LINGO2: variants seen among roughly 807,000 people sequenced by gnomAD.
LINGO2 encodes leucine-rich repeat and immunoglobulin-like domain-containing nogo receptor-interacting protein 2.
A neutral mutation model predicts 30.6 loss-of-function variants in LINGO2; 14 were observed. That is an observed-to-expected ratio of 0.46 (90% CI 0.30 to 0.72). The LOEUF (loss-of-function observed/expected upper bound fraction) is 0.72, where lower values mean the gene tolerates loss of function less well. Among genes scored for constraint, LINGO2 ranks in the 30% least tolerant of loss-of-function variants. LINGO2 has a pLI of 0.07. For missense variants in LINGO2, 729 were observed against 751.7 expected, an observed-to-expected ratio of 0.97 and a Z score of 0.35; for synonymous variants, 317 against 288.5, an observed-to-expected ratio of 1.10 and a Z score of -1.00.
At chr9:29,048,761 T>A in the LINGO2 span, among the ~76,000 whole-genome samples, 2 of 152,130 alleles carry the variant, frequency 1.3e-5, no homozygotes, top group African/African-American at 4.8e-5. Flanking sequence ...TGGAAATCCA[T>A]ATGCAGAAAA....
At chr9:29,113,971 A>C in the LINGO2 span, among the ~76,000 whole-genome samples, 2 of 152,102 alleles carry the variant, frequency 1.3e-5, no homozygotes, top group Non-Finnish European at 2.9e-5. Context: ...GGAAAAAAAA[A>C]AAAATTGCCA....
chr9:28,026,787 C>T (rs1419481756), intron 4 of LINGO2, among the ~76,000 whole-genome samples: 1 of 152,160 alleles, frequency 6.6e-6, no homozygotes, highest in Admixed American at 6.6e-5. Context: ...ATTCTCTTGG[C>T]TACCATTCTC....
intron 1 of LINGO2, among the ~76,000 whole-genome samples, chr9:28,534,522 T>A (rs1043234490): frequency 6.6e-6 from 1 of 152,210 alleles, no homozygotes; most frequent in Non-Finnish European, 1.5e-5. Context: ...CTTGATTATT[T>A]TTTCATTTCC....
chr9:28,547,364 A>T (rs1822002802), intron 1 of LINGO2, among the ~76,000 whole-genome samples: 1 of 152,050 alleles, frequency 6.6e-6, no homozygotes, highest in South Asian at 2.1e-4. Flanking sequence ...TTGGGAAGAG[A>T]CCCTTTAAAA....
In LINGO2 at chr9:28,030,601, G is replaced by C. The variant is rs143921123; in HGVS notation, c.-86-18196C>G. Among the ~76,000 whole-genome samples, 237 of 152,324 alleles carry C rather than the reference G, an allele frequency of 1.6e-3. 1 individual carries two copies. Among genetic ancestry groups the C allele is most frequent in the African/African-American group, 5.5e-3 (230 of 41,578 alleles). Reference sequence around the variant, plus strand: ...TCAATGCTTTAAGTATCTAACAGCAGATATTAAGTGTCTGCTCCAGGACCT... The same window carrying C: ...TCAATGCTTTAAGTATCTAACAGCACATATTAAGTGTCTGCTCCAGGACCT... On this transcript the variant is annotated intron_variant, in intron 4 of 5. Transcript: ENST00000379992.
At chr9:28,545,960 A>T (rs1821917473) in intron 1 of LINGO2, among the ~76,000 whole-genome samples, 1 of 152,072 alleles carries the variant, frequency 6.6e-6, no homozygotes, top group South Asian at 2.1e-4. Context: ...TTCTGTAGAA[A>T]ATACTCACTT....
At chr9:28,664,691 C>T (rs928812523) in intron 1 of LINGO2, among the ~76,000 whole-genome samples, 4 of 151,974 alleles carry the variant, frequency 2.6e-5, no homozygotes, top group African/African-American at 9.7e-5. Flanking sequence ...ATCATATCCT[C>T]TTCTTGGGGA....
intron 4 of LINGO2, among the ~76,000 whole-genome samples, chr9:28,043,113 G>T (rs995672593): frequency 1.3e-5 from 2 of 152,170 alleles, no homozygotes; most frequent in Non-Finnish European, 2.9e-5. Context: ...CACTCTGCAG[G>T]GCATCCTGGC....
chr9:28,684,687 T>G, the LINGO2 span, among the ~76,000 whole-genome samples: 2 of 151,546 alleles, frequency 1.3e-5, no homozygotes, highest in Non-Finnish European at 2.9e-5. Flanking sequence ...CCAGGCTAAA[T>G]TTTGTATTTT....
the LINGO2 span, among the ~76,000 whole-genome samples, chr9:29,200,507 T>C: frequency 6.6e-6 from 1 of 152,118 alleles, no homozygotes; most frequent in African/African-American, 2.4e-5. Flanking sequence ...TATTGTTTGT[T>C]TTATGTAAAT....
At chr9:28,672,698 A>G (rs1355594042), upstream of LINGO2, among the ~76,000 whole-genome samples, 1 of 152,150 alleles carries the variant, frequency 6.6e-6, no homozygotes, top group Admixed American at 6.5e-5. Flanking sequence ...AAATTATTCA[A>G]CTAAATCCAT....
intron 3 of LINGO2, among the ~76,000 whole-genome samples, chr9:28,352,117 T>A (rs1418936866): frequency 6.7e-6 from 1 of 148,660 alleles, no homozygotes; most frequent in Non-Finnish European, 1.5e-5. Flanking sequence ...CTCTCACCAC[T>A]CCTATTCAAC....
At chr9:28,291,335 C>G (rs1225546964) in intron 4 of LINGO2, among the ~76,000 whole-genome samples, 1 of 152,158 alleles carries the variant, frequency 6.6e-6, no homozygotes, top group Non-Finnish European at 1.5e-5. Flanking sequence ...GGGCCACTCT[C>G]ATTTGTTCCC....
the LINGO2 span, among the ~76,000 whole-genome samples, chr9:29,126,802 A>G: frequency 2.0e-5 from 3 of 152,098 alleles, no homozygotes; most frequent in Admixed American, 6.6e-5. Flanking sequence ...TCTGGAGGCA[A>G]AGAACTTAAG....
the LINGO2 span, among the ~76,000 whole-genome samples, chr9:28,917,160 G>A: frequency 6.6e-6 from 1 of 152,130 alleles, no homozygotes; most frequent in Admixed American, 6.5e-5. Context: ...CCTGAAAATT[G>A]GAAGTTAATG....
At chr9:28,088,518 G>C (rs13302345) in intron 4 of LINGO2, among the ~76,000 whole-genome samples, 9,700 of 151,944 alleles carry the variant, frequency 0.064, 483 homozygotes, top group African/African-American at 0.14. Context: ...CTTGGGATCC[G>C]TGGATGAAAT....
At chr9:28,481,382 G>A (rs565756873) in intron 1 of LINGO2, among the ~76,000 whole-genome samples, 2 of 151,838 alleles carry the variant, frequency 1.3e-5, no homozygotes, top group South Asian at 2.1e-4. Context: ...CAGCCTATAC[G>A]CACCAAAATT....
At chr9:28,838,963 C>T in the LINGO2 span, among the ~76,000 whole-genome samples, 1 of 152,220 alleles carries the variant, frequency 6.6e-6, no homozygotes, top group African/African-American at 2.4e-5. Flanking sequence ...TGGGTGCCAG[C>T]TCCCTGCAAG....
chr9:28,465,015 GC>G (rs906905521), intron 2 of LINGO2, among the ~76,000 whole-genome samples: 56 of 152,058 alleles, frequency 3.7e-4, no homozygotes, highest in African/African-American at 1.0e-3. Flanking sequence ...TTTGGGCGCC[GC>G]CCCCCCGCCC....
Sources: allele counts gnomAD v4.1 joint callset (sites outside exome capture counted in the v4.1 genomes callset), GRCh38; gene constraint gnomAD v4.1.1; transcripts MANE v1.5; gene names NCBI Gene and HGNC (gene_info 2026-07-23, HGNC 2026-07-21).